Variants in MSR1 observed in about 807,000 individuals in gnomAD.
MSR1 encodes the protein macrophage scavenger receptor types I and II.
A neutral mutation model predicts 47.2 loss-of-function variants in MSR1; 53 were observed. The observed-to-expected ratio is 1.12, with a 90% CI of 0.90 to 1.41. The LOEUF is 1.41. Among genes scored for constraint, MSR1 ranks in the 40% most tolerant of loss-of-function variants. The pLI is 0.00. For synonymous variants in MSR1, 239 were observed against 185.6 expected (o/e 1.29, Z -2.34); for missense variants, 786 against 546.9 (o/e 1.44, Z -4.36).
intron 1 of MSR1, 126 bp from the exon 2 acceptor site, chr8:16,178,118 TTATAC>T: frequency 1.4e-6 from 1 of 692,602 alleles, no homozygotes; most frequent in Non-Finnish European, 2.4e-6. Flanking sequence ...TTTTTTTTAA[TTATAC>T]TTTAAGCTCT....
chr8:16,120,868 C>A, intron 8 of MSR1: 1 of 482,362 alleles, frequency 2.1e-6, no homozygotes, highest in East Asian at 3.8e-5. Context: ...GAGGACACGT[C>A]ACAGATTATA....
At chr8:16,162,085 T>C (rs891715555) in intron 5 of MSR1, among the ~76,000 whole-genome samples, 1 of 151,966 alleles carries the variant, frequency 6.6e-6, no homozygotes, top group Admixed American at 6.6e-5. Context: ...AATCCACTAA[T>C]ATAAGAAGTA....
At position 16,108,983 on chromosome 8, in the gene MSR1, G is replaced by T. The variant is rs189958933; in HGVS notation, c.*1102C>A. ...CAGGGCTGAGGTTGAATTCATTTGC[G>T]CTTTAATATCAACTGCTGGTCTTTC... On this transcript the variant is annotated 3_prime_UTR_variant, in exon 10 of 10. Coordinates refer to ENST00000262101, the MANE Select transcript of MSR1 (RefSeq NM_138715.3). The T allele has an allele frequency of 6.6e-6, 1 of 152,096 alleles. No homozygotes were observed. Among genetic ancestry groups the T allele is most frequent in the East Asian group, 1.9e-4 (1 of 5,176 alleles). The allele number at this position is 152,096 out of a possible 1,614,324, so 9.4% of individuals were successfully genotyped here.
chr8:16,176,442 G>C (rs1344161047), intron 2 of MSR1, among the ~76,000 whole-genome samples: 3 of 151,468 alleles, frequency 2.0e-5, no homozygotes, highest in African/African-American at 7.3e-5. Context: ...AAGAGGTTGA[G>C]GCTGCAATGG....
In MSR1 at chr8:16,108,938, CT is replaced by C. The variant is rs1397395908; in HGVS notation, c.*1146del. 1.3e-5 allele frequency: 2 copies of C among 152,006 alleles called. No homozygotes were observed. The highest frequency in any genetic ancestry group is 2.9e-5 in the Non-Finnish European group (2 of 67,974). 9.4% of individuals were successfully genotyped at this position (152,006 alleles called of 1,614,324 possible). On this transcript the variant is annotated 3_prime_UTR_variant, in exon 10 of 10. Transcript: ENST00000262101. ...TTTTTTGTGAATTAGTCATAGGAAA[CT>C]TCAGAATTCTGTTATTTTCAGGGCT...
chr8:16,164,866 T>G (rs140406212), intron 4 of MSR1, among the ~76,000 whole-genome samples: 21 of 152,102 alleles, frequency 1.4e-4, no homozygotes, highest in African/African-American at 5.1e-4. Flanking sequence ...TACACATTCA[T>G]ATACTTAAGA....
intron 5 of MSR1, among the ~76,000 whole-genome samples, chr8:16,162,750 T>A (rs1407982599): frequency 6.6e-6 from 1 of 152,054 alleles, no homozygotes; most frequent in Middle Eastern, 3.4e-3. Flanking sequence ...TGGGTTAACT[T>A]GCAGGTATCT....
intron 6 of MSR1, among the ~76,000 whole-genome samples, chr8:16,151,955 G>A (rs1253666300): frequency 6.6e-6 from 1 of 152,078 alleles, no homozygotes; most frequent in Non-Finnish European, 1.5e-5. Context: ...TGTAAAATGG[G>A]TGTATTATTT....
intron 8 of MSR1, among the ~76,000 whole-genome samples, chr8:16,141,448 T>C (rs1056636111): frequency 2.6e-5 from 4 of 152,136 alleles, no homozygotes; most frequent in African/African-American, 9.7e-5. Context: ...AGCTGAATAA[T>C]AGAATAATGT....
rs570009795 is a variant in MSR1 at position 16,157,394 on chromosome 8, C to T, written c.818-2250G>A. ...TTTACAAAATTTGGAGTTAAAGATCCCTCTCTGTATTTTTATATAAAAATA... is the reference window on the plus strand; with the variant it reads ...TTTACAAAATTTGGAGTTAAAGATCTCTCTCTGTATTTTTATATAAAAATA... On this transcript the variant is annotated intron_variant, in intron 5 of 9. Coordinates refer to ENST00000262101, the MANE Select transcript of MSR1 (RefSeq NM_138715.3). Among the ~76,000 whole-genome samples, 500 of 151,840 alleles carry T rather than the reference C, an allele frequency of 3.3e-3. 5 individuals carry two copies. In the Middle Eastern group the frequency reaches 0.037, roughly 11 times the overall value.
chr8:16,146,074 T>G (rs1428021194), intron 7 of MSR1, among the ~76,000 whole-genome samples: 1 of 152,134 alleles, frequency 6.6e-6, no homozygotes, highest in Non-Finnish European at 1.5e-5. Context: ...TTTGTGAGCC[T>G]CTTATATGAG....
chr8:16,188,610 G>A (rs1465184556), intron 1 of MSR1, among the ~76,000 whole-genome samples: 1 of 151,874 alleles, frequency 6.6e-6, no homozygotes, highest in African/African-American at 2.4e-5. Context: ...CATCATCTAG[G>A]TTTTAAGTCC....
intron 7 of MSR1, among the ~76,000 whole-genome samples, 158 bp from the exon 8 acceptor site, chr8:16,143,769 A>G (rs574723368): frequency 5.4e-4 from 82 of 152,262 alleles, no homozygotes; most frequent in African/African-American, 1.9e-3. Flanking sequence ...AATAATAGTT[A>G]TTACTTAGGA....
At chr8:16,127,964 T>G (rs2117077682) in intron 8 of MSR1, among the ~76,000 whole-genome samples, 1 of 152,310 alleles carries the variant, frequency 6.6e-6, no homozygotes, top group East Asian at 1.9e-4. Flanking sequence ...TTAAACAGCA[T>G]TATTCTGGTA....
chr8:16,115,729 G>A (rs1056882345), intron 9 of MSR1, among the ~76,000 whole-genome samples: 1 of 152,116 alleles, frequency 6.6e-6, no homozygotes, highest in Non-Finnish European at 1.5e-5. Context: ...TGTCATTCCA[G>A]TACTTTGGGA....
At chr8:16,126,856 C>T (rs1265132804) in intron 8 of MSR1, among the ~76,000 whole-genome samples, 2 of 152,098 alleles carry the variant, frequency 1.3e-5, no homozygotes. Context: ...TGCACCCGGC[C>T]ATAGGTATAA....
At chr8:16,110,475 T>C (rs922142185) in intron 9 of MSR1, among the ~76,000 whole-genome samples, 1 of 152,070 alleles carries the variant, frequency 6.6e-6, no homozygotes, top group Non-Finnish European at 1.5e-5. Flanking sequence ...TCTATAAAAG[T>C]AGAGATTAAG....
chr8:16,132,119 A>G (rs1163089901), intron 8 of MSR1, among the ~76,000 whole-genome samples: 3 of 151,712 alleles, frequency 2.0e-5, no homozygotes, highest in African/African-American at 7.3e-5. Flanking sequence ...CCTATCCATG[A>G]GCTTGGAATG....
chr8:16,174,355 A>G (rs1166466076), intron 3 of MSR1, among the ~76,000 whole-genome samples: 2 of 152,198 alleles, frequency 1.3e-5, no homozygotes, highest in Admixed American at 6.5e-5. Context: ...TCAGTCATAT[A>G]GAGAAGAGGA....
Sources: allele counts gnomAD v4.1 joint callset (sites outside exome capture counted in the v4.1 genomes callset), GRCh38; gene constraint gnomAD v4.1.1; transcripts MANE v1.5; gene names NCBI Gene and HGNC (gene_info 2026-07-23, HGNC 2026-07-21).